The following SLC24A2 variants were observed in gnomAD, a reference collection of about 807,000 sequenced individuals.
The protein encoded by SLC24A2 is solute carrier family 24 member 2, also known as sodium/potassium/calcium exchanger 2.
In SLC24A2, 36 loss-of-function variants were observed where a neutral mutation model predicts 62.0. The observed-to-expected ratio is 0.58, with a 90% confidence interval of 0.44 to 0.77. The LOEUF (loss-of-function observed/expected upper bound fraction) is 0.77. Ranked by LOEUF, SLC24A2 falls within the 30% of genes least tolerant of loss-of-function variation. The pLI is 0.00. For synonymous variants in SLC24A2, 358 were observed against 294.0 expected, an observed-to-expected ratio of 1.22 and a Z score of -2.23; for missense variants, 846 against 817.9, an observed-to-expected ratio of 1.03 and a Z score of -0.42.
chr9:19,808,682 T>C, the SLC24A2 span, among the ~76,000 whole-genome samples: 1 of 152,204 alleles, frequency 6.6e-6, no homozygotes, highest in East Asian at 1.9e-4. The surrounding 1 kb of genome is among the most constrained non-coding windows in gnomAD (Gnocchi z 4.1). Flanking sequence ...TTACAGTCTT[T>C]CAGGATATCG....
chr9:20,103,934 G>A, the SLC24A2 span, among the ~76,000 whole-genome samples: 1 of 152,130 alleles, frequency 6.6e-6, no homozygotes. Flanking sequence ...CAAAGGCAAA[G>A]AAGTTAAAAA....
At chr9:19,892,404 A>G in the SLC24A2 span, among the ~76,000 whole-genome samples, 1 of 152,186 alleles carries the variant, frequency 6.6e-6, no homozygotes, top group Non-Finnish European at 1.5e-5. Flanking sequence ...CCAGAAAATG[A>G]GCTTCTAGAG....
At chr9:20,172,244 CA>C in the SLC24A2 span, among the ~76,000 whole-genome samples, 85 of 152,002 alleles carry the variant, frequency 5.6e-4, no homozygotes, top group African/African-American at 2.0e-3. Context: ...ATGCCTACAT[CA>C]AAAAGTCTGA....
the SLC24A2 span, among the ~76,000 whole-genome samples, chr9:20,156,442 C>T: frequency 6.6e-6 from 1 of 151,680 alleles, no homozygotes; most frequent in Non-Finnish European, 1.5e-5. Flanking sequence ...CTTTCAGCTC[C>T]ATTTCAGTAA....
chr9:19,850,963 AT>A, the SLC24A2 span, among the ~76,000 whole-genome samples: 2 of 23,000 alleles, frequency 8.7e-5, no homozygotes, highest in Non-Finnish European at 2.4e-4. Flanking sequence ...ATATATATAT[AT>A]ATGTATATAT....
chr9:19,869,147 A>C, the SLC24A2 span, among the ~76,000 whole-genome samples: 1 of 151,990 alleles, frequency 6.6e-6, no homozygotes, highest in Admixed American at 6.6e-5. Context: ...ATTCCTGGCT[A>C]ATTTTTTATT....
chr9:19,522,463 C>A (rs980972640), intron 9 of SLC24A2, among the ~76,000 whole-genome samples: 5 of 152,078 alleles, frequency 3.3e-5, no homozygotes, highest in African/African-American at 1.2e-4. Flanking sequence ...AGAATAAAGC[C>A]TTTTAGGGAA....
chr9:19,708,898 T>G lies in SLC24A2; in HGVS notation c.930+77039A>C, dbSNP rs954562965. On this transcript the variant is annotated intron_variant, in intron 2 of 10. Coordinates refer to ENST00000341998, the MANE Select transcript of SLC24A2 (RefSeq NM_020344.4). ...AAGCAATGGCAACAAAAGCCAAAAT[T>G]GACAAATGGGATCTAATTAAACTAA... Among the ~76,000 whole-genome samples, 5 of 151,912 alleles carry G rather than the reference T, an allele frequency of 3.3e-5. 1 individual carries two copies. Among genetic ancestry groups the G allele is most frequent in the Non-Finnish European group, 7.4e-5 (5 of 67,988 alleles).
At chr9:20,210,402 A>C in the SLC24A2 span, among the ~76,000 whole-genome samples, 36 of 152,324 alleles carry the variant, frequency 2.4e-4, 1 homozygote, top group Middle Eastern at 6.8e-3. Context: ...GACAAAAGAC[A>C]AACATTTGGC....
chr9:19,614,461 G>T (rs1817712536), intron 4 of SLC24A2, among the ~76,000 whole-genome samples: 2 of 152,164 alleles, frequency 1.3e-5, no homozygotes, highest in Admixed American at 6.5e-5. Context: ...AAGGAACAAT[G>T]AACAGTGGAA....
At chr9:19,926,255 T>C in the SLC24A2 span, 1 of 152,300 alleles carries the variant, frequency 6.6e-6, no homozygotes, top group Non-Finnish European at 1.5e-5. Flanking sequence ...TGTCTCTTTT[T>C]CTTCCTGCCC....
At chr9:20,087,720 G>C in the SLC24A2 span, among the ~76,000 whole-genome samples, 1 of 152,208 alleles carries the variant, frequency 6.6e-6, no homozygotes, top group Non-Finnish European at 1.5e-5. Flanking sequence ...GAAGCAGCTA[G>C]TGTGCACTGC....
the SLC24A2 span, among the ~76,000 whole-genome samples, chr9:19,892,187 G>T: frequency 2.6e-5 from 4 of 152,014 alleles, no homozygotes; most frequent in East Asian, 7.7e-4. Context: ...TTGAAGAGCT[G>T]CCTCTTTCTC....
At chr9:19,729,043 T>C (rs567028806) in intron 2 of SLC24A2, among the ~76,000 whole-genome samples, 7 of 152,220 alleles carry the variant, frequency 4.6e-5, no homozygotes, top group East Asian at 3.9e-4. Context: ...ACATAGTAAA[T>C]AGTAAATGTC....
the SLC24A2 span, among the ~76,000 whole-genome samples, chr9:20,123,735 G>A: frequency 2.0e-5 from 3 of 152,246 alleles, no homozygotes; most frequent in African/African-American, 7.2e-5. Context: ...CACACATCTA[G>A]TAAGTAACAA....
At chr9:20,107,933 C>T in the SLC24A2 span, among the ~76,000 whole-genome samples, 5 of 152,054 alleles carry the variant, frequency 3.3e-5, no homozygotes, top group Non-Finnish European at 7.4e-5. Context: ...AGAAAATTTT[C>T]GCAACCTACT....
At chr9:20,003,289 A>G in the SLC24A2 span, among the ~76,000 whole-genome samples, 1 of 152,344 alleles carries the variant, frequency 6.6e-6, no homozygotes, top group African/African-American at 2.4e-5. Flanking sequence ...GCAATTAGCC[A>G]CATAGCCACA....
At chr9:19,903,135 C>T in the SLC24A2 span, among the ~76,000 whole-genome samples, 58,011 of 151,524 alleles carry the variant, frequency 0.38, 11,784 homozygotes, top group Non-Finnish European at 0.46. Flanking sequence ...TCTGAGAGAG[C>T]GTCTTGGTTA....
At chr9:20,188,554 G>C in the SLC24A2 span, among the ~76,000 whole-genome samples, 2 of 152,146 alleles carry the variant, frequency 1.3e-5, no homozygotes, top group African/African-American at 2.4e-5. Context: ...AAAAGGGCTT[G>C]AAAATTTTAT....
Sources: gnomAD v4.1 joint callset for allele counts (sites outside exome capture counted in the v4.1 genomes callset) on GRCh38, gnomAD v4.1.1 for gene constraint, Gnocchi (gnomAD v3.1) non-coding constraint, MANE v1.5 for transcripts, NCBI Gene and HGNC (gene_info 2026-07-23, HGNC 2026-07-21) for gene names.